FMN2: variants seen among roughly 807,000 people sequenced by gnomAD.
FMN2 encodes the protein formin 2, also known as formin-2.
FMN2 carries 51 observed loss-of-function variants against 142.3 expected under a neutral mutation model. That is an observed-to-expected ratio of 0.36 (90% CI 0.29 to 0.45). The LOEUF (loss-of-function observed/expected upper bound fraction) is 0.45, where lower values mean the gene tolerates loss of function less well. FMN2 is among the 20% of genes least tolerant of loss of function. The probability of loss-of-function intolerance (pLI) is 1.00; values close to 1 mark genes in which losing one functional copy is unlikely to be tolerated. For synonymous variants in FMN2, 882 were observed against 869.8 expected (o/e 1.01, Z -0.25); for missense variants, 1,936 against 2,122.8 (o/e 0.91, Z 1.73).
intron 6 of FMN2, among the ~76,000 whole-genome samples, chr1:240,215,207 CAGT>C (rs1383935469): frequency 6.6e-6 from 1 of 152,108 alleles, no homozygotes; most frequent in Non-Finnish European, 1.5e-5. Context: ...TTGGTAAGTG[CAGT>C]AGTAGTAGTA....
intron 14 of FMN2, among the ~76,000 whole-genome samples, chr1:240,390,266 A>G (rs1673560160): frequency 6.6e-6 from 1 of 152,226 alleles, no homozygotes; most frequent in African/African-American, 2.4e-5. Context: ...AGAGCATTTT[A>G]AGAGATTTTT....
chr1:240,334,372 G>T, intron 13 of FMN2, 143 bp downstream of exon 13: 1 of 1,004,746 alleles, frequency 1.0e-6, no homozygotes, highest in South Asian at 2.9e-5. Flanking sequence ...GAACAATTTT[G>T]CCTATATTCT....
chr1:240,242,609 A>G (rs1215570404), intron 6 of FMN2, among the ~76,000 whole-genome samples: 2 of 152,200 alleles, frequency 1.3e-5, no homozygotes, highest in Non-Finnish European at 2.9e-5. Context: ...TGAAGTCTAA[A>G]ATATACATCA....
chr1:240,346,619 TGTA>T (rs1671917159), intron 13 of FMN2, among the ~76,000 whole-genome samples: 1 of 152,170 alleles, frequency 6.6e-6, no homozygotes, highest in Admixed American at 6.5e-5. Flanking sequence ...AAACTGGAAA[TGTA>T]GTAGGTGAAT....
intron 15 of FMN2, among the ~76,000 whole-genome samples, chr1:240,414,431 G>A (rs973352665): frequency 1.3e-5 from 2 of 152,216 alleles, no homozygotes; most frequent in African/African-American, 4.8e-5. Context: ...TCAGGCCTTC[G>A]TGAAAGCTGA....
At position 240,225,584 on chromosome 1, in the gene FMN2, G is replaced by T. The variant is rs139440203; in HGVS notation, c.4065+14349G>T. The stretch of plus-strand genomic sequence containing the variant: ...ACACAAGAAGCTCTGGGGCAGGGAA[G>T]GGAAAAATCAATATCTGGAATTGAT... On this transcript the variant is annotated intron_variant, in intron 6 of 17. Transcript: ENST00000319653. Among the ~76,000 whole-genome samples, 394 of 152,282 alleles carry T rather than the reference G, an allele frequency of 2.6e-3. 1 individual carries two copies. Among genetic ancestry groups the T allele is most frequent in the Non-Finnish European group, 4.9e-3 (330 of 68,022 alleles).
chr1:240,362,375 C>G (rs1672516260), intron 14 of FMN2, among the ~76,000 whole-genome samples: 1 of 152,104 alleles, frequency 6.6e-6, no homozygotes, highest in Non-Finnish European at 1.5e-5. Flanking sequence ...GGTCATTCAG[C>G]ATTTATTTAC....
intron 1 of FMN2, among the ~76,000 whole-genome samples, chr1:240,121,901 C>T (rs1299385496): frequency 6.6e-6 from 1 of 151,428 alleles, no homozygotes; most frequent in East Asian, 2.0e-4. Flanking sequence ...GGTGCCTTTG[C>T]CTGCCTCTTC....
intron 6 of FMN2, among the ~76,000 whole-genome samples, chr1:240,237,762 G>A (rs1387263794): frequency 6.6e-6 from 1 of 152,106 alleles, no homozygotes; most frequent in Non-Finnish European, 1.5e-5. Flanking sequence ...AGGGTAGGGG[G>A]CAAATTGCAG....
Position 240,207,518 on chromosome 1 carries a change from G to T in FMN2, c.2706G>T (p.Leu902=). 6.2e-7 allele frequency: 1 copy of T among 1,611,988 alleles called. No individual in the cohort carries two copies. The highest frequency in any genetic ancestry group is 8.5e-7 in the Non-Finnish European group (1 of 1,179,564). Residue 902 remains leucine (L), a synonymous_variant, in exon 5 of 18, where the codon CTG becomes CTT. Coordinates refer to ENST00000319653, the MANE Select transcript of FMN2 (RefSeq NM_020066.5). ...CAGCCATTCCCCAACCTCCTCCTCT[G>T]CAGGGTACAGAAATGCTGCCACCCC... ...PSTAIPQPPP[L]QGTEMLPPPP...
Position 240,334,017 on chromosome 1 carries a change from G to T in FMN2, c.4644+71G>T, listed in dbSNP as rs1466334408. On this transcript the variant is annotated intron_variant, in intron 12 of 17. Transcript: ENST00000319653. ...GTTGGATGATTTGGCAGTACTTTTTGTTGTTGTTTTTGTTTTGGACATACC... is the reference window on the plus strand; with the variant it reads ...GTTGGATGATTTGGCAGTACTTTTTTTTGTTGTTTTTGTTTTGGACATACC... The T allele has an allele frequency of 6.4e-6, 10 of 1,571,764 alleles. No homozygotes were observed. In the African/African-American group the frequency reaches 8.2e-5, roughly 13 times the overall value.
At chr1:240,131,506 C>T (rs1295975787) in intron 2 of FMN2, among the ~76,000 whole-genome samples, 6 of 151,918 alleles carry the variant, frequency 3.9e-5, no homozygotes, top group East Asian at 1.9e-4. Context: ...GTCAGGAGTT[C>T]GAGACTAGCC....
intron 14 of FMN2, among the ~76,000 whole-genome samples, chr1:240,378,390 A>T (rs1441534631): frequency 1.3e-5 from 2 of 152,128 alleles, no homozygotes; most frequent in Non-Finnish European, 2.9e-5. Context: ...ACCTCAGGTG[A>T]TCCACCCACC....
chr1:240,162,280 A>G (rs1664311970), intron 2 of FMN2, among the ~76,000 whole-genome samples: 1 of 152,108 alleles, frequency 6.6e-6, no homozygotes, highest in Non-Finnish European at 1.5e-5. Context: ...CCTGACCAAT[A>G]TGGTGAAACC....
At chr1:240,390,368 A>G (rs1572259227) in intron 14 of FMN2, among the ~76,000 whole-genome samples, 1 of 152,228 alleles carries the variant, frequency 6.6e-6, no homozygotes, top group Non-Finnish European at 1.5e-5. Context: ...GATAAGAATC[A>G]GTCTTCTGCC....
At chr1:240,354,052 G>A (rs993438185) in intron 13 of FMN2, among the ~76,000 whole-genome samples, 8 of 152,160 alleles carry the variant, frequency 5.3e-5, no homozygotes, top group African/African-American at 1.9e-4. Flanking sequence ...AAATCATGGT[G>A]TAGGCTTTGC....
intron 6 of FMN2, among the ~76,000 whole-genome samples, chr1:240,237,806 A>G (rs1667760868): frequency 6.6e-6 from 1 of 152,194 alleles, no homozygotes; most frequent in Non-Finnish European, 1.5e-5. Flanking sequence ...ATTGGAGTTG[A>G]GTTATACATG....
At chr1:240,216,904 G>A (rs185605921) in intron 6 of FMN2, among the ~76,000 whole-genome samples, 108 of 151,796 alleles carry the variant, frequency 7.1e-4, no homozygotes, top group Middle Eastern at 3.4e-3. Flanking sequence ...AGCCGAGATC[G>A]CGCCACTACA....
At chr1:240,370,703 C>T (rs1433911464) in intron 14 of FMN2, among the ~76,000 whole-genome samples, 1 of 152,108 alleles carries the variant, frequency 6.6e-6, no homozygotes, top group African/African-American at 2.4e-5. Context: ...ATCTCAGACC[C>T]AAATTATCAC....
Sources: allele counts gnomAD v4.1 joint callset (sites outside exome capture counted in the v4.1 genomes callset), GRCh38; gene constraint gnomAD v4.1.1; transcripts MANE v1.5; gene names NCBI Gene and HGNC (gene_info 2026-07-23, HGNC 2026-07-21).